MYO7B: variants seen among roughly 807,000 people sequenced by gnomAD.
The protein encoded by MYO7B is unconventional myosin-VIIb.
A neutral mutation model predicts 259.7 loss-of-function variants in MYO7B; 212 were observed. The observed-to-expected ratio is 0.82, with a 90% CI of 0.73 to 0.91. The LOEUF (loss-of-function observed/expected upper bound fraction) is 0.91, where lower values mean the gene tolerates loss of function less well. Ranked by LOEUF, MYO7B falls within the 40% of genes least tolerant of loss-of-function variation. The pLI, the probability that MYO7B is intolerant of heterozygous loss-of-function variation, is 0.00. For missense variants in MYO7B, 2,732 were observed against 2,813.5 expected (o/e 0.97, Z 0.66); for synonymous variants, 1,197 against 1,166.4 (o/e 1.03, Z -0.54).
rs1471572432 is a variant in MYO7B at position 127,613,123 on chromosome 2, A to C, written c.3398+520A>C. Among the ~76,000 whole-genome samples the C allele has an allele frequency of 2.0e-5, 3 of 152,228 alleles. No individual in the cohort carries two copies. The highest frequency in any genetic ancestry group is 7.2e-5 in the African/African-American group (3 of 41,460). On this transcript the variant is annotated intron_variant, in intron 26 of 47. Coordinates refer to ENST00000409816, the MANE Select transcript of MYO7B (RefSeq NM_001393586.1). The surrounding 1 kb of genome is among the most constrained non-coding windows in gnomAD (Gnocchi z 4.3). ...TACTTTAGGTTAATACTTTTAACAA[A>C]ATTTGGGAAACTGTTGGTCATTATT...
In MYO7B at chr2:127,635,850, G is replaced by A. The variant is rs1327917875; in HGVS notation, c.5949G>A (p.Leu1983=). Reference sequence around the variant, plus strand: ...AGCTGGCTAGTGTCCCCAAGATCCTGAGGGAACTGGTGCCTGAGAACCTCA... The same window carrying A: ...AGCTGGCTAGTGTCCCCAAGATCCTAAGGGAACTGGTGCCTGAGAACCTCA... ...RSQLASVPKI[L]RELVPENLTR... is the part of the protein sequence containing the mutation. Residue 1983 remains leucine (L), a synonymous_variant, in exon 44 of 48, where the codon CTG becomes CTA. Coordinates refer to ENST00000409816, the MANE Select transcript of MYO7B (RefSeq NM_001393586.1). 1.3e-6 allele frequency: 2 copies of A among 1,584,386 alleles called. No homozygotes were observed. Among genetic ancestry groups the A allele is most frequent in the Non-Finnish European group, 1.7e-6 (2 of 1,165,754 alleles).
Position 127,631,288 on chromosome 2 carries a change from C to T in MYO7B, c.5020C>T (p.Pro1674Ser), listed in dbSNP as rs1427340087. The T allele has an allele frequency of 6.2e-7, 1 of 1,612,234 alleles. No individual in the cohort carries two copies. Among genetic ancestry groups the T allele is most frequent in the Admixed American group, 1.7e-5 (1 of 59,972 alleles). The change falls in exon 37 of 48, where the codon CCG (proline) becomes TCG (serine). Residue 1674 changes from proline to serine, a missense_variant. This residue lies in a region of MYO7B where 821 missense variants were observed against 769.3 expected (regional missense o/e 1.07). Transcript: ENST00000409816. The part of the protein sequence containing the change: ...RGHLWAYSCE[P>S]LRQPLLKRVH... ...CCACCTGTGGGCCTATTCCTGCGAG[C>T]CGCTGCGACAGCCGCTGCTCAAGCG...
Position 127,637,412 on chromosome 2 carries a change from A to G in MYO7B, c.6424A>G (p.Thr2142Ala), listed in dbSNP as rs1681910955. 2 of 1,528,970 alleles carry G rather than the reference A, an allele frequency of 1.3e-6. No homozygotes were observed. The highest frequency in any genetic ancestry group is 1.8e-6 in the Non-Finnish European group (2 of 1,137,974). The allele number at this position is 1,528,970 out of a possible 1,614,324, so 94.7% of individuals were successfully genotyped here. ...CTCCAAGGCCCCAGCCCTGGCCAGC[A>G]CCTAGCAGCGGATGCTGGCGTGTCT... is the stretch of plus-strand genomic sequence containing the variant. ...RGSKAPALAST is the reference protein window; with the variant it reads ...RGSKAPALASA The change falls in exon 48 of 48, where the codon ACC becomes GCC. Residue 2142 changes from threonine to alanine, a missense_variant. Physicochemically the swap from Thr to Ala is moderately conservative, Grantham distance 58. Coordinates refer to ENST00000409816, the MANE Select transcript of MYO7B (RefSeq NM_001393586.1).
At chr2:127,541,085 G>A (rs926770289) in intron 1 of MYO7B, among the ~76,000 whole-genome samples, 2 of 152,248 alleles carry the variant, frequency 1.3e-5, no homozygotes, top group African/African-American at 2.4e-5. Context: ...CACAGTGAAG[G>A]CAGCATCTGC....
In MYO7B at chr2:127,636,306, C is replaced by T. The variant is rs181205271; in HGVS notation, c.6105C>T (p.Ser2035=). 8.3e-5 allele frequency: 134 copies of T among 1,613,286 alleles called. No individual in the cohort carries two copies. The African/African-American group carries it at 1.4e-3, about 17-fold the overall frequency. ...TCTGCCGGTGGCCCACCTTCGGATCCGCCTTCTTCGAGGTGAAGGTAAACC... is the reference window on the plus strand; with the variant it reads ...TCTGCCGGTGGCCCACCTTCGGATCTGCCTTCTTCGAGGTGAAGGTAAACC... ...KWICRWPTFG[S]AFFEVKQTSE... Residue 2035 remains serine (S), a synonymous_variant, in exon 45 of 48, where the codon TCC becomes TCT. Transcript: ENST00000409816. The surrounding 1 kb of genome is among the most constrained non-coding windows in gnomAD (Gnocchi z 4.5).
chr2:127,570,019 T>C, intron 6 of MYO7B, 109 bp downstream of exon 6: 1 of 1,319,816 alleles, frequency 7.6e-7, no homozygotes. Flanking sequence ...CAGCAACTCC[T>C]CCAGACCCTT....
intron 17 of MYO7B, among the ~76,000 whole-genome samples, 184 bp downstream of exon 17, chr2:127,593,130 G>A (rs1383906133): frequency 6.6e-6 from 1 of 152,152 alleles, no homozygotes; most frequent in Non-Finnish European, 1.5e-5. Flanking sequence ...CCAGCGCCGC[G>A]GAAGTGAGGG....
At chr2:127,564,347 T>G in intron 3 of MYO7B, 81 bp downstream of exon 3, 3 of 1,148,460 alleles carry the variant, frequency 2.6e-6, no homozygotes, top group Middle Eastern at 2.5e-4. Flanking sequence ...CTGTGGAGCC[T>G]CTCCCCAACA....
rs1693226283 is a variant in MYO7B, at chr2:127,546,307, G to T, written c.-24+10476G>T. Among the ~76,000 whole-genome samples the T allele has an allele frequency of 6.6e-6, 1 of 152,222 alleles. No individual in the cohort carries two copies. The highest frequency in any genetic ancestry group is 2.4e-5 in the African/African-American group (1 of 41,462). On this transcript the variant is annotated intron_variant, in intron 1 of 47. Coordinates refer to ENST00000409816, the MANE Select transcript of MYO7B (RefSeq NM_001393586.1). This position sits in a 1 kb window ranked among gnomAD's most constrained non-coding sequence, Gnocchi z 4.2. ...ATGGACAGCACAGGGTTGCTGTGGG[G>T]CTCAAATGAGAGAACCTGTGGAAAG...
chr2:127,633,536 TG>T (rs1403377208), intron 40 of MYO7B, among the ~76,000 whole-genome samples, 173 bp downstream of exon 40: 1 of 152,000 alleles, frequency 6.6e-6, no homozygotes, highest in African/African-American at 2.4e-5. Flanking sequence ...CACCTGCCCT[TG>T]GGTGCTTTGG....
rs1386344670 is a variant in MYO7B at position 127,628,107 on chromosome 2, A to T, written c.4461-265A>T. On this transcript the variant is annotated intron_variant, in intron 33 of 47. Coordinates refer to ENST00000409816, the MANE Select transcript of MYO7B (RefSeq NM_001393586.1). This position sits in a 1 kb window ranked among gnomAD's most constrained non-coding sequence, Gnocchi z 4.8. ...ACCTTTGCAGTGTCCCTGCGGTGTC[A>T]CTGCACACCAGCCACCTCATTATCT... is the stretch of plus-strand genomic sequence containing the variant. The T allele has an allele frequency of 1.6e-6, 1 of 637,418 alleles. No homozygotes were observed. Among genetic ancestry groups the T allele is most frequent in the Admixed American group, 2.1e-5 (1 of 47,934 alleles). The allele number at this position is 637,418 out of a possible 1,614,324, so 39.5% of individuals were successfully genotyped here.
intron 1 of MYO7B, among the ~76,000 whole-genome samples, chr2:127,558,854 G>A (rs1677945365): frequency 1.3e-5 from 2 of 152,170 alleles, no homozygotes; most frequent in African/African-American, 2.4e-5. Flanking sequence ...GGATGCAAAG[G>A]TGTAAGAATG....
intron 26 of MYO7B, 69 bp from the exon 27 acceptor site, chr2:127,620,270 GC>G (rs1432479721): frequency 1.3e-6 from 2 of 1,538,984 alleles, no homozygotes; most frequent in Non-Finnish European, 1.8e-6. Context: ...AGAGCTGTGT[GC>G]CCAGGTACCC....
At position 127,592,950 on chromosome 2, in the gene MYO7B, A is replaced by G; in HGVS notation, c.2145+4A>G. 6.3e-7 allele frequency: 1 copy of G among 1,581,672 alleles called. No individual in the cohort carries two copies. Among genetic ancestry groups the G allele is most frequent in the Non-Finnish European group, 8.6e-7 (1 of 1,164,844 alleles). Reference sequence around the variant, plus strand: ...GCCCAACGCCATGCGGATGCAGGTCAGCGCCCCTCGGGGACGGTCACCTCT... The same window carrying G: ...GCCCAACGCCATGCGGATGCAGGTCGGCGCCCCTCGGGGACGGTCACCTCT... On this transcript the variant is annotated splice_donor_region_variant and intron_variant, in intron 17 of 47. Transcript: ENST00000409816.
rs1389713117 is a variant in MYO7B, at chr2:127,565,276, T to C, written c.176T>C (p.Met59Thr). 1 of 1,613,998 alleles carries C rather than the reference T, an allele frequency of 6.2e-7. No homozygotes were observed. The highest frequency in any genetic ancestry group is 2.2e-5 in the East Asian group (1 of 44,872). Residue 59 changes from methionine (M) to threonine (T), a missense_variant, in exon 4 of 48, where the codon ATG becomes ACG. By Grantham distance (81) the Met-to-Thr change is moderately conservative (BLOSUM62 -1). Coordinates refer to ENST00000409816, the MANE Select transcript of MYO7B (RefSeq NM_001393586.1). Reference protein sequence around the residue: ...RAEDFGVLSPMHPNSVQGVDD... With the variant: ...RAEDFGVLSPTHPNSVQGVDD... ...GAGGACTTTGGTGTCCTCAGTCCCA[T>C]GCACCCCAACTCAGTCCAGGGTGTG...
chr2:127,578,864 A>G (rs994950574), intron 9 of MYO7B, among the ~76,000 whole-genome samples: 5 of 152,246 alleles, frequency 3.3e-5, no homozygotes, highest in African/African-American at 9.6e-5. Flanking sequence ...AGTTGGAATT[A>G]TTAGACACAG....
At chr2:127,578,012 G>T (rs1454657643) in intron 8 of MYO7B, 121 bp from the exon 9 acceptor site, 3 of 1,167,468 alleles carry the variant, frequency 2.6e-6, no homozygotes, top group African/African-American at 3.1e-5. Context: ...GAGTTTTTGA[G>T]CGTGGACCCT....
intron 15 of MYO7B, among the ~76,000 whole-genome samples, chr2:127,589,359 G>C (rs1679452959): frequency 6.7e-6 from 1 of 150,170 alleles, no homozygotes; most frequent in Admixed American, 6.6e-5. Flanking sequence ...GGATGGGTGG[G>C]TGGAATGGTG....
At chr2:127,564,321 T>G in intron 3 of MYO7B, 55 bp downstream of exon 3, 7 of 1,354,630 alleles carry the variant, frequency 5.2e-6, no homozygotes, top group Non-Finnish European at 7.2e-6. Context: ...TCCAGGGCCC[T>G]GGAGCCCTCC....
Sources: allele counts gnomAD v4.1 joint callset (sites outside exome capture counted in the v4.1 genomes callset), GRCh38; gene constraint gnomAD v4.1.1; regional missense constraint gnomAD v4.1.1; non-coding constraint Gnocchi (gnomAD v3.1); transcripts MANE v1.5; gene names NCBI Gene and HGNC (gene_info 2026-07-23, HGNC 2026-07-21).